RAI1: variants seen among roughly 807,000 people sequenced by gnomAD.
RAI1 encodes retinoic acid induced 1.
RAI1 carries 9 observed loss-of-function variants against 123.8 expected under a neutral mutation model. The ratio of observed to expected loss-of-function variants is 0.07; its 90% CI spans 0.04 to 0.13. The LOEUF is 0.13. RAI1 is among the 10% of genes least tolerant of loss of function. The pLI is 1.00. For synonymous variants in RAI1, 1,231 were observed against 1,127.3 expected, an observed-to-expected ratio of 1.09 and a Z score of -1.84; for missense variants, 2,256 against 2,545.8, an observed-to-expected ratio of 0.89 and a Z score of 2.45.
chr17:17,741,523 C>T (rs1443212793), intron 2 of RAI1, among the ~76,000 whole-genome samples: 1 of 152,186 alleles, frequency 6.6e-6, no homozygotes, highest in East Asian at 1.9e-4. Context: ...TGTGGCAGTG[C>T]GGGACTCGTC....
chr17:17,749,599 C>T (rs77181910), intron 2 of RAI1, among the ~76,000 whole-genome samples: 8 of 152,222 alleles, frequency 5.3e-5, no homozygotes, highest in Admixed American at 2.0e-4. Context: ...ATCTTCCCCC[C>T]CTCTTGGTAC....
intron 2 of RAI1, chr17:17,777,794 G>C (rs935388608): frequency 6.6e-6 from 1 of 152,292 alleles, no homozygotes; most frequent in Admixed American, 6.5e-5. Context: ...GTGATTGCAA[G>C]TTCAGCAGCA....
rs1333011468 is a variant in RAI1, at chr17:17,798,106, A to C, written c.5158A>C (p.Lys1720Gln). The C allele has an allele frequency of 1.2e-6, 2 of 1,613,898 alleles. No homozygotes were observed. The highest frequency in any genetic ancestry group is 3.3e-5 in the Admixed American group (2 of 60,022). Residue 1720 changes from lysine to glutamine, a missense_variant, in exon 3 of 6, where the codon AAG (lysine) becomes CAG (glutamine). By Grantham distance (53) the Lys-to-Gln change is moderately conservative. Transcript: ENST00000353383. ...CCTCCCCAAAAAGAAGCCAAAACTC[A>C]AGGAGAAGGTGCGGCCAGAAGGCAC... ...HCLPKKKPKL[K>Q]EKVRPEGTCE...
chr17:17,775,192 T>A (rs1242333707), intron 2 of RAI1, among the ~76,000 whole-genome samples: 1 of 148,822 alleles, frequency 6.7e-6, no homozygotes, highest in African/African-American at 2.5e-5. Context: ...AGCTGAAAAT[T>A]CATGTGTAAT....
intron 1 of RAI1, among the ~76,000 whole-genome samples, chr17:17,708,202 G>A (rs1915449403): frequency 6.6e-6 from 1 of 152,078 alleles, no homozygotes; most frequent in African/African-American, 2.4e-5. Context: ...ATTTTTCTGG[G>A]TCCTCTCCAA....
chr17:17,696,316 T>C (rs1194104491), intron 1 of RAI1, among the ~76,000 whole-genome samples: 1 of 152,120 alleles, frequency 6.6e-6, no homozygotes. Context: ...AGGCTTATTA[T>C]AGACTTTTGG....
Position 17,797,050 on chromosome 17 carries a change from C to T in RAI1, c.4102C>T (p.Leu1368Phe). The change falls in exon 3 of 6, where the codon CTC becomes TTC. Residue 1368 changes from leucine (L) to phenylalanine (F), a missense_variant. By Grantham distance (22) the Leu-to-Phe change is conservative (BLOSUM62 0). This residue lies in a region of RAI1 where 322 missense variants were observed against 358.0 expected (regional missense o/e 0.90). Coordinates refer to ENST00000353383, the MANE Select transcript of RAI1 (RefSeq NM_030665.4). ...SPSLSDKDRG[L>F]KGAGGSPVGV... The stretch of plus-strand genomic sequence containing the variant: ...ATCCCTTTCCGACAAAGACCGTGGG[C>T]TCAAGGGTGCTGGGGGCAGCCCAGT... 1 of 1,613,948 alleles carries T rather than the reference C, an allele frequency of 6.2e-7. No homozygotes were observed. Among genetic ancestry groups the T allele is most frequent in the Non-Finnish European group, 8.5e-7 (1 of 1,180,040 alleles).
intron 1 of RAI1, among the ~76,000 whole-genome samples, chr17:17,719,078 G>A (rs904550110): frequency 9.2e-5 from 14 of 152,122 alleles, no homozygotes; most frequent in Non-Finnish European, 1.9e-4. Context: ...CCCCACCCTG[G>A]CCAGGCCTCA....
intron 2 of RAI1, among the ~76,000 whole-genome samples, chr17:17,773,094 T>TGGATGGAG (rs2031221274): frequency 1.3e-5 from 1 of 79,960 alleles, no homozygotes; most frequent in African/African-American, 5.3e-5. Flanking sequence ...GATGGATGGA[T>TGGATGGAG]GGGTGGGTGG....
rs2032699530 is a variant in RAI1 at position 17,810,062 on chromosome 17, C to T, written c.*81C>T. The T allele has an allele frequency of 2.0e-6, 3 of 1,526,870 alleles. No homozygotes were observed. The African/African-American group carries it at 4.2e-5, about 21-fold the overall frequency. The allele number at this position is 1,526,870 out of a possible 1,614,324, so 94.6% of individuals were successfully genotyped here. On this transcript the variant is annotated 3_prime_UTR_variant, in exon 6 of 6. Coordinates refer to ENST00000353383, the MANE Select transcript of RAI1 (RefSeq NM_030665.4). The surrounding 1 kb of genome is among the most constrained non-coding windows in gnomAD (Gnocchi z 4.6). ...GAAGGAGAGGAGCCGCCTGCGCAGCCCCCGGGCCTTTGAGCTGCTCCCAGC... is the reference window on the plus strand; with the variant it reads ...GAAGGAGAGGAGCCGCCTGCGCAGCTCCCGGGCCTTTGAGCTGCTCCCAGC...
chr17:17,777,653 T>TC (rs2031396478), intron 2 of RAI1: 1 of 151,992 alleles, frequency 6.6e-6, no homozygotes, highest in Non-Finnish European at 1.5e-5. Flanking sequence ...CAGACCTGTG[T>TC]TTTGGGAAGG....
At chr17:17,751,173 G>T (rs1051486073) in intron 2 of RAI1, among the ~76,000 whole-genome samples, 24 of 152,234 alleles carry the variant, frequency 1.6e-4, no homozygotes, top group African/African-American at 5.3e-4. Flanking sequence ...CTAGGATGGG[G>T]TCTGTATGGA....
chr17:17,703,871 G>A (rs549186736), intron 1 of RAI1, among the ~76,000 whole-genome samples: 42 of 152,224 alleles, frequency 2.8e-4, no homozygotes, highest in African/African-American at 9.4e-4. Context: ...CAGAACCTTC[G>A]TCTGGCTTCC....
chr17:17,783,845 C>T (rs2031719426), intron 2 of RAI1, among the ~76,000 whole-genome samples: 1 of 151,934 alleles, frequency 6.6e-6, no homozygotes, highest in African/African-American at 2.4e-5. Context: ...GGCCCCGCTT[C>T]GTTTCAATTA....
chr17:17,699,809 A>G (rs1329069290), intron 1 of RAI1, among the ~76,000 whole-genome samples: 1 of 151,986 alleles, frequency 6.6e-6, no homozygotes, highest in Non-Finnish European at 1.5e-5. Context: ...TCACGGTCCC[A>G]TCCCCCACCA....
Position 17,798,195 on chromosome 17 carries a change from C to T in RAI1, c.5247C>T (p.Ala1749=). 1 of 1,612,782 alleles carries T rather than the reference C, an allele frequency of 6.2e-7. No individual in the cohort carries two copies. Among genetic ancestry groups the T allele is most frequent in the Non-Finnish European group, 8.5e-7 (1 of 1,179,862 alleles). Residue 1749 remains alanine (A), a synonymous_variant, in exon 3 of 6, where the codon GCC becomes GCT. Coordinates refer to ENST00000353383, the MANE Select transcript of RAI1 (RefSeq NM_030665.4). Reference sequence around the variant, plus strand: ...AAGGTCCCGAGTGTGCAGCTGCCGCCACTGCCGGGAAGCCCCCCAGGCCTG... The same window carrying T: ...AAGGTCCCGAGTGTGCAGCTGCCGCTACTGCCGGGAAGCCCCCCAGGCCTG... ...TLKGPECAAA[A]TAGKPPRPDG...
At chr17:17,787,215 C>T (rs1174995023) in intron 2 of RAI1, among the ~76,000 whole-genome samples, 4 of 152,162 alleles carry the variant, frequency 2.6e-5, no homozygotes, top group Non-Finnish European at 4.4e-5. Context: ...TCTGGGCCAG[C>T]CCCTTGGTCT....
intron 1 of RAI1, among the ~76,000 whole-genome samples, chr17:17,707,783 G>A (rs190314340): frequency 1.2e-4 from 18 of 152,228 alleles, no homozygotes; most frequent in Admixed American, 9.8e-4. Context: ...TGGTAGAGAC[G>A]GGTTTTTGCC....
intron 2 of RAI1, among the ~76,000 whole-genome samples, chr17:17,750,689 C>CA (rs57637022): frequency 0.046 from 3,678 of 79,302 alleles, 216 homozygotes; most frequent in African/African-American, 0.14. Context: ...TACTCCGTCT[C>CA]AAAAAAAAAA....
Sources: gnomAD v4.1 joint callset for allele counts (sites outside exome capture counted in the v4.1 genomes callset) on GRCh38, gnomAD v4.1.1 for gene constraint, gnomAD v4.1.1 regional missense constraint, Gnocchi (gnomAD v3.1) non-coding constraint, MANE v1.5 for transcripts, NCBI Gene and HGNC (gene_info 2026-07-23, HGNC 2026-07-21) for gene names.